The following DEF8 variants were observed in gnomAD, a reference collection of about 807,000 sequenced individuals.
DEF8 encodes differentially expressed in FDCP 8 homolog.
DEF8 carries 38 observed loss-of-function variants against 59.1 expected under a neutral mutation model. The ratio of observed to expected loss-of-function variants is 0.64; its 90% CI spans 0.50 to 0.84. DEF8 has a LOEUF of 0.84. Among genes scored for constraint, DEF8 ranks in the 40% least tolerant of loss-of-function variants. The pLI is 0.00. For missense variants in DEF8, 557 were observed against 615.2 expected (o/e 0.91, Z 1.00); for synonymous variants, 265 against 250.1 (o/e 1.06, Z -0.56).
At chr16:89,959,786 C>T (rs943374976) in intron 6 of DEF8, among the ~76,000 whole-genome samples, 1 of 152,230 alleles carries the variant, frequency 6.6e-6, no homozygotes, top group South Asian at 2.1e-4. Context: ...CGTGAGCCAC[C>T]ACGCCCAGCC....
In DEF8 at chr16:89,966,090, G is replaced by C. The variant is rs2034586430; in HGVS notation, c.*127G>C. 2 of 683,886 alleles carry C rather than the reference G, an allele frequency of 2.9e-6. No homozygotes were observed. The highest frequency in any genetic ancestry group is 1.8e-5 in the African/African-American group (1 of 55,356). 42.4% of individuals were successfully genotyped at this position (683,886 alleles called of 1,614,324 possible). On this transcript the variant is annotated 3_prime_UTR_variant, in exon 13 of 13. Coordinates refer to ENST00000563594, the MANE Select transcript of DEF8 (RefSeq NM_001242818.2). ...GGCCCCCTCCACCCCTGCTGGGCCAGAGCGGGTGGGCAGTGTCAAGGCCCG... is the reference window on the plus strand; with the variant it reads ...GGCCCCCTCCACCCCTGCTGGGCCACAGCGGGTGGGCAGTGTCAAGGCCCG...
At chr16:89,964,394 C>T in intron 11 of DEF8, 72 bp from the exon 12 acceptor site, 1 of 1,549,982 alleles carries the variant, frequency 6.5e-7, no homozygotes, top group Non-Finnish European at 8.7e-7. Flanking sequence ...CCCAGTGTGT[C>T]CCTGGCCTCA....
intron 2 of DEF8, chr16:89,950,025 A>C: frequency 9.8e-7 from 1 of 1,025,298 alleles, no homozygotes; most frequent in Non-Finnish European, 1.2e-6. Context: ...GCTGGCACTG[A>C]CTGTCAGTAA....
chr16:89,952,088 A>G (rs1439988730), intron 2 of DEF8, among the ~76,000 whole-genome samples: 3 of 152,248 alleles, frequency 2.0e-5, no homozygotes, highest in East Asian at 3.9e-4. Flanking sequence ...TGTGTTAGCC[A>G]GGATGGTTTC....
intron 9 of DEF8, 57 bp from the exon 10 acceptor site, chr16:89,963,306 C>T: frequency 1.3e-6 from 2 of 1,517,470 alleles, no homozygotes; most frequent in Non-Finnish European, 1.8e-6. Flanking sequence ...GCGGCCCACA[C>T]AGGGGCCGCC....
At chr16:89,952,147 G>A (rs937836866) in intron 2 of DEF8, among the ~76,000 whole-genome samples, 1 of 152,240 alleles carries the variant, frequency 6.6e-6, no homozygotes, top group Admixed American at 6.5e-5. Context: ...AATGTGCTGG[G>A]ATTACAGGCG....
chr16:89,961,671 T>C, intron 7 of DEF8, 66 bp from the exon 8 acceptor site: 1 of 1,594,700 alleles, frequency 6.3e-7, no homozygotes, highest in South Asian at 1.1e-5. Context: ...GGACAGACCA[T>C]GAGGCTGGAA....
chr16:89,962,197 C>G (rs1049173627), intron 9 of DEF8, 72 bp downstream of exon 9: 2 of 1,338,666 alleles, frequency 1.5e-6, no homozygotes, highest in African/African-American at 2.9e-5. Flanking sequence ...GGCCAGTACC[C>G]TCTTCTCCTC....
chr16:89,950,210 CT>C, intron 2 of DEF8: 1 of 986,162 alleles, frequency 1.0e-6, no homozygotes, highest in African/African-American at 1.7e-5. Flanking sequence ...GCTCCTGCAC[CT>C]TTTTCCTGGG....
Position 89,954,396 on chromosome 16 carries a change from A to T in DEF8, c.124+20A>T. 4 of 1,611,594 alleles carry T rather than the reference A, an allele frequency of 2.5e-6. No homozygotes were observed. The highest frequency in any genetic ancestry group is 3.4e-6 in the Non-Finnish European group (4 of 1,178,766). ...CTGAAGGTGGGTGCTGGTGGGAGTC[A>T]GGGTGGGAGCTGGGCAGGTCTCTGA... On this transcript the variant is annotated intron_variant, in intron 3 of 12. Coordinates refer to ENST00000563594, the MANE Select transcript of DEF8 (RefSeq NM_001242818.2). The surrounding 1 kb of genome is among the most constrained non-coding windows in gnomAD (Gnocchi z 4.3).
At chr16:89,955,384 C>G in intron 4 of DEF8, 118 bp downstream of exon 4, 1 of 793,752 alleles carries the variant, frequency 1.3e-6, no homozygotes. Context: ...AGCTGGGGTA[C>G]AGTCTCACTC....
chr16:89,961,689 T>TGGGGTTTTTGTGAGGC, intron 7 of DEF8, 48 bp from the exon 8 acceptor site: 1 of 1,606,714 alleles, frequency 6.2e-7, no homozygotes, highest in Non-Finnish European at 8.5e-7. Context: ...GAAAGCTGTG[T>TGGGGTTTTTGTGAGGC]GGGGTTTTTG....
chr16:89,952,156 C>T (rs950612108), intron 2 of DEF8, among the ~76,000 whole-genome samples: 34 of 152,234 alleles, frequency 2.2e-4, no homozygotes, highest in Non-Finnish European at 3.7e-4. Context: ...GGATTACAGG[C>T]GTGAGCCACG....
In DEF8 at chr16:89,954,206, T is replaced by C. The variant is rs750082143; in HGVS notation, c.-10-37T>C. ...AGGGGGTGGTCCGTGGTGAGCCTGG[T>C]ACCTGGGGACTCATCCTGGCCCTGC... On this transcript the variant is annotated intron_variant, in intron 2 of 12. Transcript: ENST00000563594. The surrounding 1 kb of genome is among the most constrained non-coding windows in gnomAD (Gnocchi z 4.3). 1.9e-6 allele frequency: 3 copies of C among 1,603,212 alleles called. No homozygotes were observed. The Admixed American group carries it at 5.1e-5, about 27-fold the overall frequency.
At chr16:89,959,474 T>TTTTTTG (rs1180348621) in intron 6 of DEF8, 2 of 702,130 alleles carry the variant, frequency 2.8e-6, no homozygotes, top group Non-Finnish European at 2.1e-6. Flanking sequence ...CGTGACTTTG[T>TTTTTTG]TTTTTGTTTT....
At chr16:89,962,518 A>C (rs960690477) in intron 9 of DEF8, among the ~76,000 whole-genome samples, 1 of 152,000 alleles carries the variant, frequency 6.6e-6, no homozygotes, top group African/African-American at 2.4e-5. Context: ...TTGGCCGGGC[A>C]TGGTGGTGTG....
intron 4 of DEF8, among the ~76,000 whole-genome samples, chr16:89,955,851 T>C (rs1430029195): frequency 1.3e-5 from 2 of 151,828 alleles, no homozygotes; most frequent in Non-Finnish European, 2.9e-5. Context: ...GGCGGGCGGA[T>C]CACGAGGTCA....
chr16:89,955,096 TC>T, intron 3 of DEF8, 72 bp from the exon 4 acceptor site: 1 of 1,230,974 alleles, frequency 8.1e-7, no homozygotes. Flanking sequence ...CCTGGCTATC[TC>T]AGCTCCTCCC....
At position 89,948,951 on chromosome 16, in the gene DEF8, T is replaced by C. The variant is rs867263806; in HGVS notation, c.-108+137T>C. 9 of 17,472 alleles carry C rather than the reference T, an allele frequency of 5.2e-4. 1 individual carries two copies. Among genetic ancestry groups the C allele is most frequent in the African/African-American group, 4.5e-3 (8 of 1,782 alleles). 1.1% of individuals were successfully genotyped at this position (17,472 alleles called of 1,614,324 possible). On this transcript the variant is annotated intron_variant, in intron 1 of 12. Coordinates refer to ENST00000563594, the MANE Select transcript of DEF8 (RefSeq NM_001242818.2). The stretch of plus-strand genomic sequence containing the variant: ...GGGACGGGGTCGGCGGGGACGGGGC[T>C]GGGAGGGACGGGGCCGGCGGGGACG...
Sources: allele counts gnomAD v4.1 joint callset (sites outside exome capture counted in the v4.1 genomes callset), GRCh38; gene constraint gnomAD v4.1.1; non-coding constraint Gnocchi (gnomAD v3.1); transcripts MANE v1.5; gene names NCBI Gene and HGNC (gene_info 2026-07-23, HGNC 2026-07-21).